The following ROR1 variants were observed in gnomAD, a reference collection of about 807,000 sequenced individuals.
ROR1 encodes the protein inactive tyrosine-protein kinase transmembrane receptor ROR1.
In ROR1, 19 loss-of-function variants were observed where a neutral mutation model predicts 78.8. That is an observed-to-expected ratio of 0.24 (90% CI 0.17 to 0.35). The LOEUF is 0.35. Ranked by LOEUF, ROR1 falls within the 10% of genes least tolerant of loss-of-function variation. The probability of loss-of-function intolerance (pLI) is 1.00; values close to 1 mark genes in which losing one functional copy is unlikely to be tolerated. For missense variants in ROR1, 917 were observed against 1,177.8 expected (o/e 0.78, Z 3.24); for synonymous variants, 386 against 433.6 (o/e 0.89, Z 1.36).
At chr1:63,786,222 A>G (rs988305645) in intron 1 of ROR1, among the ~76,000 whole-genome samples, 1 of 149,652 alleles carries the variant, frequency 6.7e-6, no homozygotes, top group Non-Finnish European at 1.5e-5. Flanking sequence ...CACAGGGAAT[A>G]AAGCATTTCC....
intron 1 of ROR1, chr1:63,788,770 A>G (rs533117577): frequency 1.9e-6 from 1 of 533,428 alleles, no homozygotes; most frequent in Non-Finnish European, 3.6e-6. Context: ...CTCCTTCTTG[A>G]CCTGGAGGCA....
At chr1:64,127,368 T>A (rs540558769) in intron 4 of ROR1, among the ~76,000 whole-genome samples, 50 of 152,308 alleles carry the variant, frequency 3.3e-4, no homozygotes, top group African/African-American at 1.2e-3. Context: ...CTTGAGGGGT[T>A]CCTGGTACAA....
intron 1 of ROR1, among the ~76,000 whole-genome samples, chr1:63,971,098 C>A (rs899046508): frequency 2.2e-4 from 34 of 152,196 alleles, no homozygotes; most frequent in African/African-American, 8.2e-4. Context: ...TCTGTGATCA[C>A]ATCCTTATTT....
At chr1:63,917,479 A>G (rs1407865211) in intron 1 of ROR1, among the ~76,000 whole-genome samples, 1 of 152,204 alleles carries the variant, frequency 6.6e-6, no homozygotes, top group Admixed American at 6.5e-5. Context: ...AGTATGGTAA[A>G]CAGGATTAAG....
In ROR1 at chr1:63,825,536, G is replaced by A. The variant is rs372271342; in HGVS notation, c.91+51028G>A. Among the ~76,000 whole-genome samples, 47 of 152,308 alleles carry A rather than the reference G, an allele frequency of 3.1e-4. No individual in the cohort carries two copies. The South Asian group carries it at 6.4e-3, about 21-fold the overall frequency. On this transcript the variant is annotated intron_variant, in intron 1 of 8. Transcript: ENST00000371079. ...CTCAGGCAAGGTGGGAATGGTTAGC[G>A]TCACTTCTAGGAGCAGCAGAACTTT...
chr1:64,044,910 T>C (rs1002352176), intron 2 of ROR1, among the ~76,000 whole-genome samples: 1 of 152,186 alleles, frequency 6.6e-6, no homozygotes, highest in Non-Finnish European at 1.5e-5. Flanking sequence ...TATTAATGCA[T>C]TTGAATTTTC....
rs529694047 is a variant in ROR1 at position 64,055,001 on chromosome 1, A to G, written c.482+4285A>G. ...GTGTAGCCCTTAATTTCCCCTTTTC[A>G]TAAGGACACCAGTCATACTGTATTG... On this transcript the variant is annotated intron_variant, in intron 4 of 8. Transcript: ENST00000371079. 2.7e-4 allele frequency among the ~76,000 whole-genome samples: 41 copies of G among 152,254 alleles called. No homozygotes were observed. In the East Asian group the frequency reaches 7.9e-3, roughly 29 times the overall value.
intron 1 of ROR1, among the ~76,000 whole-genome samples, chr1:63,992,687 AC>A (rs1439835426): frequency 4.6e-5 from 7 of 152,220 alleles, no homozygotes; most frequent in Non-Finnish European, 1.0e-4. Flanking sequence ...GACATTTGGC[AC>A]ATCACCCTCT....
At chr1:63,831,011 T>C (rs1231754507) in intron 1 of ROR1, among the ~76,000 whole-genome samples, 1 of 152,226 alleles carries the variant, frequency 6.6e-6, no homozygotes, top group Non-Finnish European at 1.5e-5. Context: ...AATAATCTCC[T>C]TTGACTCTAT....
At chr1:64,112,575 A>G (rs1454242458) in intron 4 of ROR1, among the ~76,000 whole-genome samples, 1 of 152,150 alleles carries the variant, frequency 6.6e-6, no homozygotes, top group Non-Finnish European at 1.5e-5. Flanking sequence ...TCACCAGTGA[A>G]CTTTGTAGAA....
chr1:64,137,984 G>A (rs762745433), intron 5 of ROR1, among the ~76,000 whole-genome samples: 6 of 152,206 alleles, frequency 3.9e-5, no homozygotes, highest in African/African-American at 9.7e-5. Flanking sequence ...TGTGAAATGA[G>A]TGATGAAGCA....
At chr1:63,905,858 C>T (rs1645524000) in intron 1 of ROR1, among the ~76,000 whole-genome samples, 1 of 152,146 alleles carries the variant, frequency 6.6e-6, no homozygotes, top group Admixed American at 6.5e-5. Context: ...TAATTTATAG[C>T]TCAATTCCTC....
intron 1 of ROR1, among the ~76,000 whole-genome samples, chr1:63,857,701 G>C (rs1045120769): frequency 7.9e-5 from 12 of 152,300 alleles, no homozygotes; most frequent in Admixed American, 7.2e-4. Flanking sequence ...TGTGCCACTA[G>C]AGTTATGGTC....
At chr1:63,975,624 G>T (rs943233114) in intron 1 of ROR1, among the ~76,000 whole-genome samples, 3 of 152,128 alleles carry the variant, frequency 2.0e-5, no homozygotes, top group African/African-American at 7.2e-5. Context: ...GAACACACAC[G>T]AAGCGGTGCC....
intron 1 of ROR1, among the ~76,000 whole-genome samples, chr1:63,907,368 G>C (rs528204811): frequency 6.6e-6 from 1 of 152,312 alleles, no homozygotes; most frequent in South Asian, 2.1e-4. Context: ...TCTCTGTAAA[G>C]AGGCCATTGA....
intron 1 of ROR1, among the ~76,000 whole-genome samples, chr1:63,795,743 A>G (rs1252392618): frequency 1.3e-5 from 2 of 152,238 alleles, no homozygotes; most frequent in African/African-American, 2.4e-5. Context: ...ATGCAGGAAC[A>G]TAAAATATCT....
At chr1:64,128,312 TA>T (rs925090164) in intron 4 of ROR1, among the ~76,000 whole-genome samples, 12 of 80,660 alleles carry the variant, frequency 1.5e-4, no homozygotes, top group African/African-American at 3.5e-4. Context: ...AAAAAAAAAG[TA>T]AAAAAACTAG....
intron 1 of ROR1, among the ~76,000 whole-genome samples, chr1:63,831,236 T>A (rs1002883577): frequency 5.3e-5 from 8 of 152,194 alleles, no homozygotes; most frequent in African/African-American, 1.9e-4. Flanking sequence ...CTCTCAGCTC[T>A]ACTAGGCAGT....
At chr1:63,985,741 T>G (rs1447284848) in intron 1 of ROR1, among the ~76,000 whole-genome samples, 1 of 150,838 alleles carries the variant, frequency 6.6e-6, no homozygotes, top group Non-Finnish European at 1.5e-5. Flanking sequence ...TATTATTATT[T>G]TATATATATA....
Sources: allele counts gnomAD v4.1 joint callset (sites outside exome capture counted in the v4.1 genomes callset), GRCh38; gene constraint gnomAD v4.1.1; transcripts MANE v1.5; gene names NCBI Gene and HGNC (gene_info 2026-07-23, HGNC 2026-07-21).